The following MUSK variants were observed in gnomAD, a reference collection of about 807,000 sequenced individuals.
MUSK encodes the protein muscle associated receptor tyrosine kinase, also known as muscle, skeletal receptor tyrosine-protein kinase.
In MUSK, 55 loss-of-function variants were observed where a neutral mutation model predicts 88.7. That is an observed-to-expected ratio of 0.62 (90% CI 0.50 to 0.78). MUSK has a LOEUF of 0.78. Ranked by LOEUF, MUSK falls within the 30% of genes least tolerant of loss-of-function variation. MUSK has a pLI of 0.00. For synonymous variants in MUSK, 387 were observed against 391.9 expected (o/e 0.99, Z 0.15); for missense variants, 1,015 against 1,074.3 (o/e 0.94, Z 0.77).
intron 1 of MUSK, among the ~76,000 whole-genome samples, chr9:110,681,750 T>C (rs2076139735): frequency 6.6e-6 from 1 of 152,018 alleles, no homozygotes. Flanking sequence ...AATAATAAGG[T>C]TTATTCAGAA....
chr9:110,759,538 C>T (rs992931107), intron 7 of MUSK, among the ~76,000 whole-genome samples: 6 of 152,132 alleles, frequency 3.9e-5, no homozygotes, highest in African/African-American at 1.4e-4. Flanking sequence ...AAACAGGCAA[C>T]TTACAGAGTG....
intron 1 of MUSK, among the ~76,000 whole-genome samples, chr9:110,680,746 G>T (rs2076097868): frequency 6.7e-6 from 1 of 149,030 alleles, no homozygotes; most frequent in Non-Finnish European, 1.5e-5. Context: ...AATATTCCAG[G>T]GTTTGTTTTT....
chr9:110,797,162 CAAAAAAA>C (rs34924295), intron 14 of MUSK, among the ~76,000 whole-genome samples: 17 of 16,816 alleles, frequency 1.0e-3, no homozygotes, highest in East Asian at 8.2e-3. Context: ...CATGAATACC[CAAAAAAA>C]AAAAAAAAAA....
Position 110,695,383 on chromosome 9 carries a change from G to A in MUSK, c.359-20G>A. On this transcript the variant is annotated intron_variant, in intron 3 of 14. Coordinates refer to ENST00000374448, the MANE Select transcript of MUSK (RefSeq NM_005592.4). ...AAAGCCATATTGCCTTATTTATTTT[G>A]AATTTTCATTTCTTTTTAGAACCTA... 1 of 1,438,650 alleles carries A rather than the reference G, an allele frequency of 7.0e-7. No homozygotes were observed. Among genetic ancestry groups the A allele is most frequent in the Non-Finnish European group, 9.4e-7 (1 of 1,067,896 alleles). 89.1% of individuals were successfully genotyped at this position (1,438,650 alleles called of 1,614,324 possible).
chr9:110,675,640 G>A (rs1328125495), intron 1 of MUSK, among the ~76,000 whole-genome samples: 4 of 136,696 alleles, frequency 2.9e-5, no homozygotes, highest in Admixed American at 8.0e-5. Flanking sequence ...TGCGGTCTCG[G>A]CTCACTGCAA....
intron 5 of MUSK, chr9:110,728,322 G>T (rs1316235194): frequency 1.4e-5 from 3 of 212,356 alleles, no homozygotes; most frequent in Non-Finnish European, 2.8e-5. Flanking sequence ...AGCTACAAGG[G>T]GGGAACGCAA....
At chr9:110,694,006 T>C (rs758475301) in intron 3 of MUSK, among the ~76,000 whole-genome samples, 4 of 152,062 alleles carry the variant, frequency 2.6e-5, no homozygotes, top group Non-Finnish European at 4.4e-5. Context: ...ATAAAGTTGT[T>C]ATTTTCCTAT....
intron 11 of MUSK, among the ~76,000 whole-genome samples, chr9:110,777,663 C>T (rs2077691437): frequency 6.6e-6 from 1 of 152,086 alleles, no homozygotes; most frequent in Non-Finnish European, 1.5e-5. Context: ...CCATCGATTG[C>T]TCACTCATCC....
chr9:110,708,799 C>G (rs1234503893), intron 5 of MUSK, among the ~76,000 whole-genome samples: 1 of 152,096 alleles, frequency 6.6e-6, no homozygotes, highest in African/African-American at 2.4e-5. Flanking sequence ...TGCTTCAAGT[C>G]AACACATAGT....
At chr9:110,785,831 CATATAT>C in intron 13 of MUSK, 113 bp downstream of exon 13, 1 of 476,326 alleles carries the variant, frequency 2.1e-6, no homozygotes, top group Non-Finnish European at 3.6e-6. Context: ...TATACACACA[CATATAT>C]ATATATATAT....
chr9:110,751,991 A>AT (rs2131890161), intron 7 of MUSK, among the ~76,000 whole-genome samples: 1 of 152,276 alleles, frequency 6.6e-6, no homozygotes, highest in South Asian at 2.1e-4. Flanking sequence ...ATTGCTACAC[A>AT]TCTAGTGTTA....
At chr9:110,693,387 C>G (rs142883574) in intron 3 of MUSK, among the ~76,000 whole-genome samples, 12 of 152,228 alleles carry the variant, frequency 7.9e-5, no homozygotes, top group African/African-American at 2.6e-4. Context: ...TGGAAAGATC[C>G]GTTTTATAAG....
Position 110,785,522 on chromosome 9 carries a change from T to C in MUSK, c.1587-5T>C. ...CATTCCTGATCTTGCCTGTCTTGCC[T>C]GCAGAGAATCAGCAGCAGTAACCCT... On this transcript the variant is annotated splice_polypyrimidine_tract_variant and splice_region_variant and intron_variant, in intron 12 of 14. Coordinates refer to ENST00000374448, the MANE Select transcript of MUSK (RefSeq NM_005592.4). The C allele has an allele frequency of 1.3e-6, 2 of 1,595,960 alleles. No homozygotes were observed. Among genetic ancestry groups the C allele is most frequent in the Non-Finnish European group, 1.7e-6 (2 of 1,169,596 alleles).
intron 5 of MUSK, among the ~76,000 whole-genome samples, chr9:110,702,986 C>A (rs924608975): frequency 5.9e-5 from 9 of 151,836 alleles, no homozygotes; most frequent in African/African-American, 2.2e-4. Flanking sequence ...TGGTTCCAGG[C>A]CAAAAATTTA....
chr9:110,693,650 A>G (rs564137551), intron 3 of MUSK, among the ~76,000 whole-genome samples: 15 of 152,344 alleles, frequency 9.8e-5, no homozygotes, highest in African/African-American at 3.6e-4. Flanking sequence ...AGTTGACTTT[A>G]CATTCAATTT....
At chr9:110,689,288 T>C (rs1284861035) in intron 3 of MUSK, among the ~76,000 whole-genome samples, 2 of 117,540 alleles carry the variant, frequency 1.7e-5, no homozygotes, top group African/African-American at 3.5e-5. Context: ...TATATATAAA[T>C]ATATAGCTAT....
intron 10 of MUSK, 33 bp from the exon 11 acceptor site, chr9:110,776,599 A>T: frequency 6.4e-7 from 1 of 1,567,134 alleles, no homozygotes; most frequent in Non-Finnish European, 8.8e-7. Flanking sequence ...CTGGATGCTC[A>T]CTTAAAACAA....
At position 110,800,965 on chromosome 9, in the gene MUSK, G is replaced by A; in HGVS notation, c.2587G>A (p.Ala863Thr). 6 of 1,519,272 alleles carry A rather than the reference G, an allele frequency of 3.9e-6. No homozygotes were observed. Among genetic ancestry groups the A allele is most frequent in the Non-Finnish European group, 5.3e-6 (6 of 1,135,970 alleles). The allele number at this position is 1,519,272 out of a possible 1,614,324, so 94.1% of individuals were successfully genotyped here. ...AATTCTGGAACGCATGTGTGAGAGG[G>A]CAGAGGGAACTGTGAGTGTCTAAGG... is the stretch of plus-strand genomic sequence containing the variant. ...HRILERMCER[A>T]EGTVSV Residue 863 changes from alanine (A) to threonine (T), a missense_variant, in exon 15 of 15, where the codon GCA (alanine) becomes ACA (threonine). Transcript: ENST00000374448.
At chr9:110,689,709 A>ATATATTTTATATATATAT (rs1259002278) in intron 3 of MUSK, among the ~76,000 whole-genome samples, 4 of 55,306 alleles carry the variant, frequency 7.2e-5, no homozygotes, top group African/African-American at 1.7e-4. Context: ...ATAAATATAT[A>ATATATTTTATATATATAT]ACTATATATG....
Sources: allele counts gnomAD v4.1 joint callset (sites outside exome capture counted in the v4.1 genomes callset), GRCh38; gene constraint gnomAD v4.1.1; transcripts MANE v1.5; gene names NCBI Gene and HGNC (gene_info 2026-07-23, HGNC 2026-07-21).